Variants in PRPF40B observed in about 807,000 individuals in gnomAD.
PRPF40B encodes the protein pre-mRNA-processing factor 40 homolog B.
PRPF40B carries 56 observed loss-of-function variants against 124.5 expected under a neutral mutation model. The ratio of observed to expected loss-of-function variants is 0.45; its 90% confidence interval spans 0.36 to 0.56. PRPF40B has a LOEUF of 0.56. PRPF40B is among the 20% of genes least tolerant of loss of function. The pLI is 0.00. For synonymous variants in PRPF40B, 443 were observed against 426.4 expected (o/e 1.04, Z -0.48); for missense variants, 1,053 against 1,169.5 (o/e 0.90, Z 1.45).
chr12:49,643,466 G>A, intron 23 of PRPF40B, 69 bp downstream of exon 23: 2 of 1,505,946 alleles, frequency 1.3e-6, no homozygotes, highest in South Asian at 2.7e-5. Flanking sequence ...CCCTCCACAA[G>A]CCCCAGCTCC....
rs1156320413 is a variant in PRPF40B, at chr12:49,630,573, C to G, written c.32C>G (p.Pro11Arg). The G allele has an allele frequency of 2.8e-6, 4 of 1,422,996 alleles. No homozygotes were observed. In the South Asian group the frequency reaches 4.8e-5, roughly 17 times the overall value. The allele number at this position is 1,422,996 out of a possible 1,614,324, so 88.1% of individuals were successfully genotyped here. A position where few individuals can be genotyped will look rare whatever the true frequency, so the allele number is the denominator to read the frequency against. ...GTTCCCGATTCTGGTCCCCGGCCCC[C>G]AGCAGCGCCTGCCCCCTTCCCACCG... MSVPDSGPRP[P>R]AAPAPFPPGP... Residue 11 changes from proline to arginine, a missense_variant, in exon 2 of 26, where the codon CCA (proline) becomes CGA (arginine). Physicochemically the swap from Pro to Arg is moderately radical, Grantham distance 103. This residue lies in a region of PRPF40B where 158 missense variants were observed against 117.3 expected (regional missense o/e 1.35). Transcript: ENST00000548825.
chr12:49,644,290 T>G lies in PRPF40B; in HGVS notation c.*98T>G, dbSNP rs1235255870. On this transcript the variant is annotated 3_prime_UTR_variant, in exon 26 of 26. Transcript: ENST00000548825. Reference sequence around the variant, plus strand: ...GACTTCTTCCTTAGTCTGGTCTGTGTCCACTTTTTCTAAAGTAACCCCACC... The same window carrying G: ...GACTTCTTCCTTAGTCTGGTCTGTGGCCACTTTTTCTAAAGTAACCCCACC... 1 of 1,385,084 alleles carries G rather than the reference T, an allele frequency of 7.2e-7. No individual in the cohort carries two copies. The highest frequency in any genetic ancestry group is 1.4e-5 in the African/African-American group (1 of 69,928). 85.8% of individuals were successfully genotyped at this position (1,385,084 alleles called of 1,614,324 possible).
At chr12:49,623,748 G>C in intron 1 of PRPF40B, 155 bp downstream of exon 1, 1 of 1,198,718 alleles carries the variant, frequency 8.3e-7, no homozygotes, top group Non-Finnish European at 1.0e-6. Context: ...GAGCCCGGGA[G>C]GGGGGATGGG....
Position 49,644,445 on chromosome 12 carries a change from G to A in PRPF40B, c.*253G>A. On this transcript the variant is annotated 3_prime_UTR_variant, in exon 26 of 26. Coordinates refer to ENST00000548825, the MANE Select transcript of PRPF40B (RefSeq NM_001031698.3). Reference sequence around the variant, plus strand: ...GGGTGGTATATGCCATGTGGGGTGGGTGATGCCAGTAGATAAAAGTGTGAG... The same window carrying A: ...GGGTGGTATATGCCATGTGGGGTGGATGATGCCAGTAGATAAAAGTGTGAG... The A allele has an allele frequency of 2.0e-6, 1 of 502,766 alleles. No individual in the cohort carries two copies. 31.1% of individuals were successfully genotyped at this position (502,766 alleles called of 1,614,324 possible).
At position 49,632,259 on chromosome 12, in the gene PRPF40B, TGGG is replaced by T; in HGVS notation, c.295-335_295-333del. The T allele has an allele frequency of 8.7e-6, 5 of 575,934 alleles. No individual in the cohort carries two copies. The South Asian group carries it at 1.1e-4, about 13-fold the overall frequency. The allele number at this position is 575,934 out of a possible 1,614,324, so 35.7% of individuals were successfully genotyped here. ...TGTCCCCAGAAGAGTCAGTAGCACC[TGGG>T]GATCTTGCTGTGCCTTCTTATGCTA... On this transcript the variant is annotated intron_variant, in intron 4 of 25. Transcript: ENST00000548825.
At chr12:49,640,038 G>C (rs1308041685) in intron 18 of PRPF40B, 1 of 152,214 alleles carries the variant, frequency 6.6e-6, no homozygotes, top group Non-Finnish European at 1.5e-5. Context: ...ACCTGAGAAA[G>C]CAACTTTTTT....
At chr12:49,640,090 T>C (rs1942403706) in intron 18 of PRPF40B, 1 of 152,216 alleles carries the variant, frequency 6.6e-6, no homozygotes, top group Non-Finnish European at 1.5e-5. Context: ...TTCCTGCCTA[T>C]GGAGGGCAGA....
chr12:49,636,881 C>T (rs1170449738), intron 16 of PRPF40B, 32 bp downstream of exon 16: 1 of 1,612,368 alleles, frequency 6.2e-7, no homozygotes, highest in Admixed American at 1.7e-5. Flanking sequence ...GATCAGAGCT[C>T]AGCTCTGCCC....
intron 4 of PRPF40B, 121 bp from the exon 5 acceptor site, chr12:49,632,475 G>A: frequency 9.2e-7 from 1 of 1,082,214 alleles, no homozygotes; most frequent in South Asian, 1.5e-5. Flanking sequence ...TTAGGGAGCA[G>A]AGATCTCTAG....
intron 18 of PRPF40B, 173 bp from the exon 19 acceptor site, chr12:49,641,735 T>G: frequency 1.7e-6 from 1 of 599,642 alleles, no homozygotes; most frequent in African/African-American, 1.8e-5. Flanking sequence ...CATGGGGGCT[T>G]AATTGTCAAG....
At chr12:49,638,145 G>A (rs1489798562) in intron 18 of PRPF40B, 1 of 278,850 alleles carries the variant, frequency 3.6e-6, no homozygotes, top group Non-Finnish European at 6.8e-6. Context: ...GTGTACACGG[G>A]GTACTAAGAG....
chr12:49,625,173 T>C (rs1344312254), intron 1 of PRPF40B, among the ~76,000 whole-genome samples: 4 of 152,078 alleles, frequency 2.6e-5, no homozygotes, highest in Non-Finnish European at 4.4e-5. Flanking sequence ...GTGTAAGGAT[T>C]GGGGTTAAAA....
chr12:49,641,841 C>T, intron 18 of PRPF40B, 67 bp from the exon 19 acceptor site: 8 of 1,343,740 alleles, frequency 6.0e-6, no homozygotes, highest in Non-Finnish European at 8.5e-6. Flanking sequence ...GTAATGTGAC[C>T]ACTCTGCCTG....
intron 23 of PRPF40B, 34 bp from the exon 24 acceptor site, chr12:49,643,657 T>C (rs1942966795): frequency 6.2e-7 from 1 of 1,602,944 alleles, no homozygotes; most frequent in Non-Finnish European, 8.5e-7. Flanking sequence ...GTCTTTCTCC[T>C]GTTGGGACTT....
At chr12:49,636,630 C>A in intron 15 of PRPF40B, 86 bp from the exon 16 acceptor site, 3 of 1,577,884 alleles carry the variant, frequency 1.9e-6, no homozygotes, top group South Asian at 2.3e-5. Context: ...ACCTGTAGGA[C>A]AGCATCGTTG....
chr12:49,628,118 TGCTGAGGAAA>T (rs989648063), intron 1 of PRPF40B, among the ~76,000 whole-genome samples: 2 of 152,180 alleles, frequency 1.3e-5, no homozygotes, highest in Non-Finnish European at 2.9e-5. Context: ...TGACTTCCCA[TGCTGAGGAAA>T]GCGTCAGGGG....
In PRPF40B at chr12:49,643,271, C is replaced by T. The variant is rs771815824; in HGVS notation, c.2254C>T (p.Pro752Ser). Reference sequence around the variant, plus strand: ...GCTGCCCCCACCATCTCTCCGGCCCCCCAAGCGGAGGAGGCGGAACCCCTC... The same window carrying T: ...GCTGCCCCCACCATCTCTCCGGCCCTCCAAGCGGAGGAGGCGGAACCCCTC... ...EELPPPSLRP[P>S]KRRRRNPSES... The change falls in exon 23 of 26, where the codon CCC (proline) becomes TCC (serine). Residue 752 changes from proline (P) to serine (S), a missense_variant. This residue lies in a region of PRPF40B where 895 missense variants were observed against 1,052.2 expected (regional missense o/e 0.85). Coordinates refer to ENST00000548825, the MANE Select transcript of PRPF40B (RefSeq NM_001031698.3). 2 of 1,614,078 alleles carry T rather than the reference C, an allele frequency of 1.2e-6. No individual in the cohort carries two copies. Among genetic ancestry groups the T allele is most frequent in the Admixed American group, 1.7e-5 (1 of 59,988 alleles).
At chr12:49,636,923 C>T (rs560424980) in intron 16 of PRPF40B, 74 bp downstream of exon 16, 1 of 1,600,552 alleles carries the variant, frequency 6.2e-7, no homozygotes, top group African/African-American at 1.3e-5. Context: ...ATTCCCTGCC[C>T]CCTTCTGGAT....
At position 49,635,269 on chromosome 12, in the gene PRPF40B, G is replaced by A. The variant is rs748595145; in HGVS notation, c.1166+6G>A. On this transcript the variant is annotated splice_donor_region_variant and intron_variant, in intron 13 of 25. Coordinates refer to ENST00000548825, the MANE Select transcript of PRPF40B (RefSeq NM_001031698.3). The surrounding 1 kb of genome is among the most constrained non-coding windows in gnomAD (Gnocchi z 4.1). The stretch of plus-strand genomic sequence containing the variant: ...ACCTCCACCACCCGCTACCGGTCAG[G>A]GGGCCAGGCTGGGCTGGGACTTGGG... The A allele has an allele frequency of 7.4e-6, 12 of 1,612,252 alleles. No individual in the cohort carries two copies. The highest frequency in any genetic ancestry group is 1.7e-5 in the Admixed American group (1 of 59,770).
Sources: gnomAD v4.1 joint callset for allele counts (sites outside exome capture counted in the v4.1 genomes callset) on GRCh38, gnomAD v4.1.1 for gene constraint, gnomAD v4.1.1 regional missense constraint, Gnocchi (gnomAD v3.1) non-coding constraint, MANE v1.5 for transcripts, NCBI Gene and HGNC (gene_info 2026-07-23, HGNC 2026-07-21) for gene names.